Variants in FMR1 observed in about 807,000 individuals in gnomAD.
FMR1 encodes fragile X messenger ribonucleoprotein 1.
A neutral mutation model predicts 50.6 loss-of-function variants in FMR1; 13 were observed. That is an observed-to-expected ratio of 0.26 (90% CI 0.17 to 0.41). FMR1 has a LOEUF of 0.41. FMR1 is among the 10% of genes least tolerant of loss of function. The pLI is 1.00. For missense variants in FMR1, 316 were observed against 491.3 expected (o/e 0.64, Z 3.37); for synonymous variants, 138 against 164.1 (o/e 0.84, Z 1.22).
chrX:147,921,731 A>G (rs782534489), intron 1 of FMR1, among the ~76,000 whole-genome samples: 3 of 111,677 alleles, frequency 2.7e-5, no homozygotes, highest in East Asian at 2.8e-4. Context: ...TGTTTTAGCT[A>G]TGTTTATCTC....
intron 2 of FMR1, among the ~76,000 whole-genome samples, chrX:147,922,191 A>G (rs956582954): frequency 1.1e-4 from 12 of 112,011 alleles, no homozygotes; most frequent in Non-Finnish European, 3.8e-5. Context: ...CCCTTATTGT[A>G]TGGTATTGAT....
At chrX:147,917,968 A>G (rs2042957248) in intron 1 of FMR1, among the ~76,000 whole-genome samples, 1 of 111,942 alleles carries the variant, frequency 8.9e-6, no homozygotes, top group African/African-American at 3.3e-5. Flanking sequence ...TCCCCTGTGC[A>G]TTCATTCAAA....
Position 147,950,834 on chromosome X carries a change from A to G in FMR1, c.*1990A>G. Reference sequence around the variant, plus strand: ...AAACTCAACCAAATGGTACAAAACCACAGTGTACCATTAAAATATGCACTA... The same window carrying G: ...AAACTCAACCAAATGGTACAAAACCGCAGTGTACCATTAAAATATGCACTA... On this transcript the variant is annotated 3_prime_UTR_variant, in exon 17 of 17. Transcript: ENST00000370475. The G allele has an allele frequency of 6.5e-6, 2 of 309,920 alleles. No individual in the cohort carries two copies. Among genetic ancestry groups the G allele is most frequent in the Non-Finnish European group, 1.2e-5 (2 of 162,344 alleles). 25.5% of individuals were successfully genotyped at this position (309,920 alleles called of 1,213,427 possible). A position where few individuals can be genotyped will look rare whatever the true frequency, so the allele number is the denominator to read the frequency against.
At chrX:147,938,029 C>G (rs1336095279) in intron 11 of FMR1, 70 bp from the exon 12 acceptor site, 1 of 842,557 alleles carries the variant, frequency 1.2e-6, no homozygotes, top group Non-Finnish European at 1.8e-6. Context: ...AGTGAAAGTC[C>G]TGCGTTCAGG....
chrX:147,924,149 A>C (rs1557177000), intron 2 of FMR1, among the ~76,000 whole-genome samples: 1 of 111,474 alleles, frequency 9.0e-6, no homozygotes, highest in African/African-American at 3.3e-5. Flanking sequence ...CTTTAAAATC[A>C]AATTTAGCAA....
intron 1 of FMR1, among the ~76,000 whole-genome samples, chrX:147,915,514 T>C (rs1891253337): frequency 9.0e-6 from 1 of 111,356 alleles, no homozygotes; most frequent in Non-Finnish European, 1.9e-5. Flanking sequence ...TTGCCCTTTT[T>C]AGTTTTTAGG....
chrX:147,944,764 G>A (rs2044117461), intron 14 of FMR1, 105 bp from the exon 15 acceptor site: 1 of 1,116,788 alleles, frequency 9.0e-7, no homozygotes, highest in African/African-American at 1.9e-5. Flanking sequence ...TATAAATTGG[G>A]AAGAGTTTTG....
chrX:147,948,435 A>C, intron 16 of FMR1: 1 of 1,012,085 alleles, frequency 9.9e-7, no homozygotes, highest in East Asian at 3.9e-5. Flanking sequence ...TAGGATTGTG[A>C]GTTTTTCTCT....
chrX:147,940,698 T>A, intron 13 of FMR1, 36 bp downstream of exon 13: 2 of 929,979 alleles, frequency 2.2e-6, no homozygotes, highest in Non-Finnish European at 3.1e-6. Context: ...CTAATCCTTT[T>A]GTACTAAAAT....
Position 147,951,020 on chromosome X carries a change from A to G in FMR1, c.*2176A>G. On this transcript the variant is annotated 3_prime_UTR_variant, in exon 17 of 17. Transcript: ENST00000370475. The stretch of plus-strand genomic sequence containing the variant: ...GCTAAACGTGTATGTTTTTCAGTTC[A>G]AAGTCATGATGTTTTTAAAATCTTA... 1 of 249,630 alleles carries G rather than the reference A, an allele frequency of 4.0e-6. No individual in the cohort carries two copies. Among genetic ancestry groups the G allele is most frequent in the Non-Finnish European group, 7.6e-6 (1 of 132,078 alleles). The allele number at this position is 249,630 out of a possible 1,213,427, so 20.6% of individuals were successfully genotyped here.
chrX:147,948,268 T>C (rs1321787179), intron 16 of FMR1: 1 of 178,557 alleles, frequency 5.6e-6, no homozygotes, highest in East Asian at 1.9e-4. Flanking sequence ...GGAAAACATT[T>C]TGTTTCTCTT....
At chrX:147,933,442 C>A in intron 9 of FMR1, 2 of 1,000,695 alleles carry the variant, frequency 2.0e-6, no homozygotes, top group South Asian at 3.1e-5. Context: ...CTAAAAAGTT[C>A]CAAAGCTAGA....
In FMR1 at chrX:147,932,675, C is replaced by A. The variant is rs1557178952; in HGVS notation, c.802-10C>A. 4 of 1,204,721 alleles carry A rather than the reference C, an allele frequency of 3.3e-6. No homozygotes were observed. The African/African-American group carries it at 5.2e-5, about 16-fold the overall frequency. On this transcript the variant is annotated splice_polypyrimidine_tract_variant and intron_variant, in intron 8 of 16. Coordinates refer to ENST00000370475, the MANE Select transcript of FMR1 (RefSeq NM_002024.6). The stretch of plus-strand genomic sequence containing the variant: ...AATCTTTTGTCTTAAAATGTTTCCC[C>A]TTTTATTAGGATCAGGATGCAGTGA...
intron 1 of FMR1, among the ~76,000 whole-genome samples, chrX:147,917,501 T>C (rs2042932109): frequency 1.8e-5 from 2 of 112,193 alleles, no homozygotes; most frequent in East Asian, 5.6e-4. Context: ...CTTTCTCAAA[T>C]TCCAAGATTC....
Position 147,925,640 on chromosome X carries a change from T to C in FMR1, c.198+7T>C. The C allele has an allele frequency of 1.8e-6, 2 of 1,103,142 alleles. No individual in the cohort carries two copies. Among genetic ancestry groups the C allele is most frequent in the Non-Finnish European group, 2.5e-6 (2 of 796,489 alleles). 90.9% of individuals were successfully genotyped at this position (1,103,142 alleles called of 1,213,427 possible). On this transcript the variant is annotated splice_region_variant and intron_variant, in intron 3 of 16. Transcript: ENST00000370475. ...TGAAAGTGATGAAGTTGAGGTGAGTTTTCCCTGCCATAAAGTCATTTAGCA... is the reference window on the plus strand; with the variant it reads ...TGAAAGTGATGAAGTTGAGGTGAGTCTTCCCTGCCATAAAGTCATTTAGCA...
intron 14 of FMR1, chrX:147,944,641 T>G (rs1295362800): frequency 9.6e-7 from 1 of 1,036,706 alleles, no homozygotes; most frequent in Non-Finnish European, 1.2e-6. Flanking sequence ...TTTTTAAAAA[T>G]GAGAATGAAA....
intron 3 of FMR1, among the ~76,000 whole-genome samples, chrX:147,927,071 C>T (rs1289050524): frequency 9.0e-6 from 1 of 111,686 alleles, no homozygotes; most frequent in Non-Finnish European, 1.9e-5. Context: ...AAAATGTAAC[C>T]AATCTCTACT....
In FMR1 at chrX:147,919,321, A is replaced by G. The variant is rs1200281066; in HGVS notation, c.52-2612A>G. Reference sequence around the variant, plus strand: ...ATTCTCCATAATTTTTACGACCTATAGAAATAAGAGCCTAAGAGTGACCAG... The same window carrying G: ...ATTCTCCATAATTTTTACGACCTATGGAAATAAGAGCCTAAGAGTGACCAG... On this transcript the variant is annotated intron_variant, in intron 1 of 16. Coordinates refer to ENST00000370475, the MANE Select transcript of FMR1 (RefSeq NM_002024.6). 3.6e-5 allele frequency among the ~76,000 whole-genome samples: 4 copies of G among 111,769 alleles called. No homozygotes were observed. In the East Asian group the frequency reaches 1.1e-3, roughly 31 times the overall value.
At position 147,949,129 on chromosome X, in the gene FMR1, T is replaced by C. The variant is rs1557182824; in HGVS notation, c.*285T>C. ...TCTAAAGTACTGAGCAGTGATATTC[T>C]TTGTTAATTTGGACCATTTTCCTGC... On this transcript the variant is annotated 3_prime_UTR_variant, in exon 17 of 17. Transcript: ENST00000370475. 1 of 416,727 alleles carries C rather than the reference T, an allele frequency of 2.4e-6. No homozygotes were observed. The highest frequency in any genetic ancestry group is 4.4e-6 in the Non-Finnish European group (1 of 226,330). 34.3% of individuals were successfully genotyped at this position (416,727 alleles called of 1,213,427 possible).
Sources: allele counts gnomAD v4.1 joint callset (sites outside exome capture counted in the v4.1 genomes callset), GRCh38; gene constraint gnomAD v4.1.1; transcripts MANE v1.5; gene names NCBI Gene and HGNC (gene_info 2026-07-23, HGNC 2026-07-21).